GLRA2: variants seen among roughly 807,000 people sequenced by gnomAD.
GLRA2 encodes the protein glycine receptor alpha 2.
In GLRA2, 11 loss-of-function variants were observed where a neutral mutation model predicts 31.6. The ratio of observed to expected loss-of-function variants is 0.35; its 90% CI spans 0.22 to 0.58. GLRA2 has a LOEUF of 0.58. Ranked by LOEUF, GLRA2 falls within the 20% of genes least tolerant of loss-of-function variation. The pLI is 0.84. For missense variants in GLRA2, 212 were observed against 351.8 expected (o/e 0.60, Z 3.18); for synonymous variants, 132 against 134.0 (o/e 0.99, Z 0.10).
the GLRA2 span, among the ~76,000 whole-genome samples, chrX:14,487,668 A>T: frequency 8.9e-6 from 1 of 111,835 alleles, no homozygotes; most frequent in Non-Finnish European, 1.9e-5. Flanking sequence ...TTAATCTGCT[A>T]AAATAATTCA....
rs138443401 is a variant in GLRA2 at position 14,568,834 on chromosome X, G to A, written c.203-5499G>A. ...ATGAATCAATTACCTAAATGTAAGC[G>A]TTAAAACCAAAAAGCTGCTTTTTAA... On this transcript the variant is annotated intron_variant, in intron 2 of 8. Coordinates refer to ENST00000218075, the MANE Select transcript of GLRA2 (RefSeq NM_002063.4). Among the ~76,000 whole-genome samples, 147 of 111,886 alleles carry A rather than the reference G, an allele frequency of 1.3e-3. 2 individuals carry two copies. The East Asian group carries it at 0.037, about 28-fold the overall frequency.
intron 7 of GLRA2, among the ~76,000 whole-genome samples, chrX:14,689,933 A>C (rs2091326407): frequency 8.9e-6 from 1 of 112,384 alleles, no homozygotes; most frequent in African/African-American, 3.2e-5. Context: ...GACTTACTAA[A>C]CACTTAAGCA....
At chrX:14,621,237 C>T (rs1436457872) in intron 7 of GLRA2, among the ~76,000 whole-genome samples, 1 of 111,315 alleles carries the variant, frequency 9.0e-6, no homozygotes, top group East Asian at 2.9e-4. Context: ...CTTTGCTACA[C>T]ATTAGAATCA....
chrX:14,618,343 T>A (rs1380130407), intron 7 of GLRA2, among the ~76,000 whole-genome samples: 1 of 111,858 alleles, frequency 8.9e-6, no homozygotes, highest in African/African-American at 3.2e-5. Context: ...CATATCCTTA[T>A]ACTAAATATG....
chrX:14,519,119 C>A, the GLRA2 span, among the ~76,000 whole-genome samples: 3 of 107,884 alleles, frequency 2.8e-5, no homozygotes, highest in Non-Finnish European at 5.7e-5. Flanking sequence ...GGCTACAAGG[C>A]AATTTATTTT....
At chrX:14,691,308 TGTGTGTGTGTGTGTGTGC>T (rs1161921645) in intron 8 of GLRA2, among the ~76,000 whole-genome samples, 57 of 103,249 alleles carry the variant, frequency 5.5e-4, no homozygotes, top group Admixed American at 1.8e-3. Flanking sequence ...TGTGTGTGTG[TGTGTGTGTGTGTGTGTGC>T]GCGCGTGCGT....
chrX:14,523,584 G>C, the GLRA2 span, among the ~76,000 whole-genome samples: 9 of 111,613 alleles, frequency 8.1e-5, no homozygotes, highest in Non-Finnish European at 1.3e-4. Context: ...TTTCAAGTGA[G>C]AGACATATGA....
chrX:14,541,503 ATCT>A (rs2089403194), intron 2 of GLRA2, among the ~76,000 whole-genome samples: 1 of 112,081 alleles, frequency 8.9e-6, no homozygotes, highest in Non-Finnish European at 1.9e-5. Flanking sequence ...AATACAATGT[ATCT>A]TCTTCTAATT....
the GLRA2 span, among the ~76,000 whole-genome samples, chrX:14,477,570 G>A: frequency 4.5e-5 from 5 of 111,202 alleles, no homozygotes; most frequent in Non-Finnish European, 9.4e-5. Flanking sequence ...GTCTGGCCTG[G>A]GATACTTTGC....
intron 8 of GLRA2, among the ~76,000 whole-genome samples, chrX:14,729,574 T>C (rs1488175426): frequency 8.9e-6 from 1 of 112,001 alleles, no homozygotes; most frequent in East Asian, 2.8e-4. Context: ...AAATAATCAA[T>C]GTTAAAAATC....
chrX:14,625,539 C>G (rs1208762262), intron 7 of GLRA2, among the ~76,000 whole-genome samples: 1 of 111,243 alleles, frequency 9.0e-6, no homozygotes, highest in Non-Finnish European at 1.9e-5. Context: ...GTAAGGCAGG[C>G]CTGGTGGTGA....
At chrX:14,524,554 T>G (rs983010452), upstream of GLRA2, among the ~76,000 whole-genome samples, 3 of 112,125 alleles carry the variant, frequency 2.7e-5, no homozygotes, top group African/African-American at 9.7e-5. Context: ...ATTAATAGTC[T>G]TTTCTTAACT....
the GLRA2 span, among the ~76,000 whole-genome samples, chrX:14,459,781 TG>T: frequency 8.9e-6 from 1 of 111,795 alleles, no homozygotes; most frequent in Non-Finnish European, 1.9e-5. Context: ...GCTGAGATGA[TG>T]GGGTTTTCTT....
chrX:14,669,034 C>T (rs2091063352), intron 7 of GLRA2, among the ~76,000 whole-genome samples: 1 of 112,436 alleles, frequency 8.9e-6, no homozygotes, highest in Admixed American at 9.4e-5. Flanking sequence ...TTCCTAGATA[C>T]AATCGGGATA....
chrX:14,453,775 A>G, the GLRA2 span, among the ~76,000 whole-genome samples: 1 of 111,757 alleles, frequency 8.9e-6, no homozygotes, highest in Non-Finnish European at 1.9e-5. Flanking sequence ...ATAACCCAAA[A>G]CTGGAAGCAA....
chrX:14,666,854 G>A (rs1318759973), intron 7 of GLRA2, among the ~76,000 whole-genome samples: 1 of 111,961 alleles, frequency 8.9e-6, no homozygotes, highest in African/African-American at 3.2e-5. Flanking sequence ...AGGCAAGACA[G>A]GATTTAGACC....
At chrX:14,663,467 T>C (rs187047972) in intron 7 of GLRA2, among the ~76,000 whole-genome samples, 117 of 110,176 alleles carry the variant, frequency 1.1e-3, no homozygotes, top group Non-Finnish European at 1.7e-3. Context: ...GAAAAACTTC[T>C]AAATCATAAA....
At chrX:14,620,765 C>T (rs1466842048) in intron 7 of GLRA2, among the ~76,000 whole-genome samples, 5 of 111,406 alleles carry the variant, frequency 4.5e-5, no homozygotes, top group South Asian at 7.5e-4. Context: ...TAGAGTTCTG[C>T]GTTAGTAGAG....
At chrX:14,604,503 A>G in intron 5 of GLRA2, 106 bp downstream of exon 5, 1 of 457,201 alleles carries the variant, frequency 2.2e-6, no homozygotes, top group South Asian at 3.2e-5. Flanking sequence ...TTCCCTATAT[A>G]CTGACCAACC....
Sources: allele counts gnomAD v4.1 joint callset (sites outside exome capture counted in the v4.1 genomes callset), GRCh38; gene constraint gnomAD v4.1.1; transcripts MANE v1.5; gene names NCBI Gene and HGNC (gene_info 2026-07-23, HGNC 2026-07-21).